Variants in COL4A4 observed in about 807,000 individuals in gnomAD.
The protein encoded by COL4A4 is collagen alpha-4(IV) chain.
COL4A4 carries 105 observed loss-of-function variants against 192.9 expected under a neutral mutation model. The ratio of observed to expected loss-of-function variants is 0.54; its 90% CI spans 0.46 to 0.64. COL4A4 has a LOEUF of 0.64. Among genes scored for constraint, COL4A4 ranks in the 30% least tolerant of loss-of-function variants. The pLI, the probability that COL4A4 is intolerant of heterozygous loss-of-function variation, is 0.00. For missense variants in COL4A4, 1,967 were observed against 2,169.3 expected (o/e 0.91, Z 1.85); for synonymous variants, 762 against 769.9 (o/e 0.99, Z 0.17).
intron 25 of COL4A4, among the ~76,000 whole-genome samples, chr2:227,069,282 G>T (rs1170128983): frequency 6.6e-6 from 1 of 151,702 alleles, no homozygotes; most frequent in East Asian, 1.9e-4. Context: ...CGTGAAAATG[G>T]CCATACTGCC....
chr2:227,163,792 C>T (rs1225237510), intron 1 of COL4A4, among the ~76,000 whole-genome samples: 1 of 152,220 alleles, frequency 6.6e-6, no homozygotes, highest in Non-Finnish European at 1.5e-5. Context: ...AGGCCGGTAA[C>T]TCGAGCCTCC....
At chr2:227,061,828 C>T (rs553507356) in intron 26 of COL4A4, among the ~76,000 whole-genome samples, 2 of 152,200 alleles carry the variant, frequency 1.3e-5, no homozygotes, top group South Asian at 4.1e-4. Context: ...GATATTTGGG[C>T]ATTTTTTTCA....
At chr2:226,994,393 G>A in the COL4A4 span, among the ~76,000 whole-genome samples, 3 of 152,150 alleles carry the variant, frequency 2.0e-5, no homozygotes, top group Non-Finnish European at 2.9e-5. Context: ...ACAAACAAAC[G>A]GAAGGTGCCG....
At chr2:227,161,044 G>A (rs561795517) in intron 1 of COL4A4, among the ~76,000 whole-genome samples, 3 of 152,330 alleles carry the variant, frequency 2.0e-5, no homozygotes, top group African/African-American at 7.2e-5. Context: ...TAAAAGTAGA[G>A]GCTCGTCCCT....
chr2:227,133,007 T>C (rs1032722536), intron 4 of COL4A4, among the ~76,000 whole-genome samples: 2 of 152,268 alleles, frequency 1.3e-5, no homozygotes, highest in African/African-American at 4.8e-5. Flanking sequence ...ATATAGTAGA[T>C]TATTTCCCCC....
At chr2:227,061,333 G>C (rs1259754885) in intron 26 of COL4A4, among the ~76,000 whole-genome samples, 1 of 152,136 alleles carries the variant, frequency 6.6e-6, no homozygotes, top group Non-Finnish European at 1.5e-5. Context: ...TTTTACCCAG[G>C]GCTTGGTCAT....
intron 20 of COL4A4, 48 bp from the exon 21 acceptor site, chr2:227,090,005 T>C (rs771674698): frequency 1.4e-6 from 2 of 1,479,106 alleles, no homozygotes; most frequent in African/African-American, 2.8e-5. Context: ...ATAATTTTTC[T>C]GACTGTCTTC....
At chr2:227,138,941 T>C (rs574744319) in intron 4 of COL4A4, among the ~76,000 whole-genome samples, 1 of 152,358 alleles carries the variant, frequency 6.6e-6, no homozygotes, top group South Asian at 2.1e-4. Flanking sequence ...TACAATTGAC[T>C]TGAACACTGT....
chr2:226,985,792 G>A, the COL4A4 span, among the ~76,000 whole-genome samples: 20 of 152,358 alleles, frequency 1.3e-4, no homozygotes, highest in East Asian at 2.5e-3. Context: ...AGCAAGGTTA[G>A]GGATGATTCC....
Position 227,005,122 on chromosome 2 carries a change from A to G in COL4A4, c.*2203T>C, listed in dbSNP as rs778387965. Reference sequence around the variant, plus strand: ...TGCATTTAGAGACAGCTCTTGTAATACTAACATTTTGAACAGTCTGATACC... The same window carrying G: ...TGCATTTAGAGACAGCTCTTGTAATGCTAACATTTTGAACAGTCTGATACC... On this transcript the variant is annotated 3_prime_UTR_variant, in exon 48 of 48. Transcript: ENST00000396625. 1 of 152,142 alleles carries G rather than the reference A, an allele frequency of 6.6e-6. No individual in the cohort carries two copies. The highest frequency in any genetic ancestry group is 1.5e-5 in the Non-Finnish European group (1 of 68,024). The allele number at this position is 152,142 out of a possible 1,614,324, so 9.4% of individuals were successfully genotyped here. A position where few individuals can be genotyped will look rare whatever the true frequency, so the allele number is the denominator to read the frequency against.
chr2:226,988,204 C>T, the COL4A4 span: 2 of 809,330 alleles, frequency 2.5e-6, no homozygotes, highest in Non-Finnish European at 3.8e-6. Flanking sequence ...TAAAACTTAC[C>T]CAAAGACAGT....
chr2:227,163,587 T>C (rs2065030905), intron 1 of COL4A4, among the ~76,000 whole-genome samples: 1 of 152,256 alleles, frequency 6.6e-6, no homozygotes, highest in South Asian at 2.1e-4. Context: ...TGGAGGACCG[T>C]GCCCTGGCAC....
At chr2:227,073,901 A>G (rs1484757685) in intron 25 of COL4A4, among the ~76,000 whole-genome samples, 2 of 152,158 alleles carry the variant, frequency 1.3e-5, no homozygotes, top group Non-Finnish European at 2.9e-5. Flanking sequence ...AAATCAACTG[A>G]AGATGGTTCA....
intron 25 of COL4A4, among the ~76,000 whole-genome samples, chr2:227,070,870 T>G (rs1662326368): frequency 7.0e-6 from 1 of 143,882 alleles, no homozygotes; most frequent in South Asian, 2.2e-4. Flanking sequence ...AAACTTAAAG[T>G]ATAATAATAA....
rs79467293 is a variant in COL4A4, at chr2:227,120,147, T to G, written c.328-208A>C. ...ACTTGGGAAAACAGCCTAGCAGTACTGATTTAAGTAAATCATTCAACATGC... is the reference window on the plus strand; with the variant it reads ...ACTTGGGAAAACAGCCTAGCAGTACGGATTTAAGTAAATCATTCAACATGC... On this transcript the variant is annotated intron_variant, in intron 5 of 47. Coordinates refer to ENST00000396625, the MANE Select transcript of COL4A4 (RefSeq NM_000092.5). Among the ~76,000 whole-genome samples the G allele has an allele frequency of 5.8e-4, 88 of 152,280 alleles. No homozygotes were observed. In the East Asian group the frequency reaches 0.014, roughly 24 times the overall value.
At chr2:227,084,792 C>G (rs2059498816) in intron 22 of COL4A4, among the ~76,000 whole-genome samples, 2 of 152,094 alleles carry the variant, frequency 1.3e-5, no homozygotes, top group Non-Finnish European at 2.9e-5. Flanking sequence ...CCTGAGATCA[C>G]CAAACACTTG....
the COL4A4 span, among the ~76,000 whole-genome samples, chr2:226,990,026 G>A: frequency 1.4e-4 from 22 of 152,214 alleles, no homozygotes; most frequent in Admixed American, 3.3e-4. Flanking sequence ...TACCTTTCTC[G>A]TAAACCAAAA....
chr2:227,101,931 G>A (rs1313520651), intron 15 of COL4A4, 22 bp from the exon 16 acceptor site: 1 of 1,580,202 alleles, frequency 6.3e-7, no homozygotes, highest in African/African-American at 1.3e-5. Flanking sequence ...ACAAAAATCA[G>A]GATAAACAGA....
At chr2:227,015,418 G>A (rs551960831) in intron 44 of COL4A4, among the ~76,000 whole-genome samples, 1 of 152,036 alleles carries the variant, frequency 6.6e-6, no homozygotes, top group African/African-American at 2.4e-5. Flanking sequence ...AACAAATCAG[G>A]TCTGGGGGGG....
Sources: allele counts gnomAD v4.1 joint callset (sites outside exome capture counted in the v4.1 genomes callset), GRCh38; gene constraint gnomAD v4.1.1; transcripts MANE v1.5; gene names NCBI Gene and HGNC (gene_info 2026-07-23, HGNC 2026-07-21).